The following TMEM156 variants were observed in gnomAD, a reference collection of about 807,000 sequenced individuals.
TMEM156 encodes the protein transmembrane protein 156.
Under a neutral mutation model 30.5 loss-of-function variants are expected in TMEM156, and 28 were observed. The ratio of observed to expected loss-of-function variants is 0.92; its 90% CI spans 0.68 to 1.26. The LOEUF is 1.26. Ranked by LOEUF, TMEM156 falls within the 50% of genes most tolerant of loss-of-function variation. The probability of loss-of-function intolerance (pLI) is 0.00; values close to 1 mark genes in which losing one functional copy is unlikely to be tolerated. For missense variants in TMEM156, 351 were observed against 340.6 expected (o/e 1.03, Z -0.24); for synonymous variants, 137 against 119.9 (o/e 1.14, Z -0.93).
intron 4 of TMEM156, 86 bp from the exon 5 acceptor site, chr4:38,986,505 C>A: frequency 9.7e-7 from 1 of 1,031,848 alleles, no homozygotes; most frequent in Non-Finnish European, 1.5e-6. Context: ...AAAGGATTAC[C>A]AAAAAGAATG....
chr4:39,019,373 T>A (rs1018570641), intron 1 of TMEM156, among the ~76,000 whole-genome samples: 3 of 152,202 alleles, frequency 2.0e-5, no homozygotes, highest in Non-Finnish European at 4.4e-5. Flanking sequence ...ATTTATTATA[T>A]TTTTCACAAT....
intron 1 of TMEM156, among the ~76,000 whole-genome samples, chr4:39,020,553 ATTTTTTTTAT>A (rs977625527): frequency 6.6e-6 from 1 of 151,362 alleles, no homozygotes; most frequent in African/African-American, 2.4e-5. Context: ...CTTATTTTGA[ATTTTTTTTAT>A]TTTTTTTGAG....
At chr4:39,021,465 A>C (rs1714863048) in intron 1 of TMEM156, among the ~76,000 whole-genome samples, 1 of 151,736 alleles carries the variant, frequency 6.6e-6, no homozygotes, top group African/African-American at 2.4e-5. Context: ...AAAAGAAATA[A>C]CTCTTCACTA....
At chr4:39,016,105 G>A (rs1714463097) in intron 1 of TMEM156, among the ~76,000 whole-genome samples, 1 of 152,140 alleles carries the variant, frequency 6.6e-6, no homozygotes, top group African/African-American at 2.4e-5. Context: ...GCTGGGTGTG[G>A]TGGCTCACGC....
chr4:39,006,867 C>T (rs541733052), intron 1 of TMEM156, among the ~76,000 whole-genome samples: 1 of 152,172 alleles, frequency 6.6e-6, no homozygotes, highest in Non-Finnish European at 1.5e-5. Flanking sequence ...TGCTTGAGCC[C>T]AGGAGGTTGA....
intron 5 of TMEM156, among the ~76,000 whole-genome samples, chr4:38,981,717 AATGAAATGATGTGC>A (rs1711566073): frequency 6.6e-6 from 1 of 152,192 alleles, no homozygotes; most frequent in Non-Finnish European, 1.5e-5. Context: ...TTTGAAATCA[AATGAAATGATGTGC>A]ATGAAAGTAC....
At position 39,030,329 on chromosome 4, in the gene TMEM156, A is replaced by G. The variant is rs1191853661; in HGVS notation, c.88+1897T>C. On this transcript the variant is annotated intron_variant, in intron 1 of 6. Transcript: ENST00000381938. Reference sequence around the variant, plus strand: ...TGATATAACCAGTTTTGAAAGCAAGAGAACAAACATCATTATAAATGATGG... The same window carrying G: ...TGATATAACCAGTTTTGAAAGCAAGGGAACAAACATCATTATAAATGATGG... Among the ~76,000 whole-genome samples, 15 of 152,202 alleles carry G rather than the reference A, an allele frequency of 9.9e-5. 1 individual carries two copies. Among genetic ancestry groups the G allele is most frequent in the Admixed American group, 9.2e-4 (14 of 15,280 alleles).
At chr4:39,028,594 G>A (rs757967068) in intron 1 of TMEM156, 1 of 152,124 alleles carries the variant, frequency 6.6e-6, no homozygotes, top group Non-Finnish European at 1.5e-5. Flanking sequence ...GTAGCCCCAG[G>A]TTTCTAGCAC....
chr4:38,986,286 A>C, intron 5 of TMEM156, 50 bp downstream of exon 5: 1 of 1,294,744 alleles, frequency 7.7e-7, no homozygotes, highest in Non-Finnish European at 1.1e-6. Context: ...GAAACCATGC[A>C]GCTTTGGAAT....
intron 1 of TMEM156, among the ~76,000 whole-genome samples, chr4:39,010,975 C>G (rs1463820705): frequency 6.6e-6 from 1 of 152,028 alleles, no homozygotes; most frequent in Non-Finnish European, 1.5e-5. Context: ...AGTAAAGAGA[C>G]AACCTACAAA....
In TMEM156 at chr4:38,996,445, G is replaced by A. The variant is rs192126666; in HGVS notation, c.358+2195C>T. 1.4e-3 allele frequency among the ~76,000 whole-genome samples: 209 copies of A among 151,758 alleles called. 1 individual carries two copies. Among genetic ancestry groups the A allele is most frequent in the Admixed American group, 0.011 (172 of 15,222 alleles). On this transcript the variant is annotated intron_variant, in intron 2 of 6. Transcript: ENST00000381938. ...AAATTAGCTGGGCATGGTAGCAGGCGTCTGTAATCCCAGCTACTCAGGAGG... is the reference window on the plus strand; with the variant it reads ...AAATTAGCTGGGCATGGTAGCAGGCATCTGTAATCCCAGCTACTCAGGAGG...
Position 38,995,873 on chromosome 4 carries a change from A to T in TMEM156, c.359-1875T>A, listed in dbSNP as rs146390028. On this transcript the variant is annotated intron_variant, in intron 2 of 6. Coordinates refer to ENST00000381938, the MANE Select transcript of TMEM156 (RefSeq NM_024943.3). ...TTGCTTTTCAGAACACTCATACTGG[A>T]GCCTTGAACCACTACGTAAAAGTCC... Among the ~76,000 whole-genome samples, 318 of 152,322 alleles carry T rather than the reference A, an allele frequency of 2.1e-3. 2 individuals are homozygous for T. Among genetic ancestry groups the T allele is most frequent in the Non-Finnish European group, 3.2e-3 (220 of 68,032 alleles).
chr4:38,996,406 C>CA (rs57823248), intron 2 of TMEM156, among the ~76,000 whole-genome samples: 1,517 of 117,030 alleles, frequency 0.013, 12 homozygotes, highest in African/African-American at 0.026. Flanking sequence ...ACTAAAAATA[C>CA]AAAAAAAAAA....
rs79976560 is a variant in TMEM156, at chr4:38,989,030, T to C, written c.620-60A>G. 4.1e-4 allele frequency: 642 copies of C among 1,547,076 alleles called. 6 individuals carry two copies. In the East Asian group the frequency reaches 0.014, roughly 34 times the overall value. ...AAATTATTCAACAGATAAAAGGCAA[T>C]GTGGCAGTGTAGCTGAGTTCTACAA... On this transcript the variant is annotated intron_variant, in intron 3 of 6. Transcript: ENST00000381938.
chr4:38,973,488 C>T (rs1464036313), intron 5 of TMEM156, among the ~76,000 whole-genome samples: 2 of 151,902 alleles, frequency 1.3e-5, no homozygotes, highest in Admixed American at 1.3e-4. Flanking sequence ...ACAGTGTATC[C>T]TCTAACTGGT....
intron 1 of TMEM156, among the ~76,000 whole-genome samples, chr4:39,025,345 C>CAAA (rs59380844): frequency 1.4e-3 from 89 of 65,406 alleles, no homozygotes; most frequent in East Asian, 2.1e-3. Context: ...AAGACTGTCT[C>CAAA]AAAAAAAAAA....
chr4:39,022,774 C>T (rs962351218), intron 1 of TMEM156, among the ~76,000 whole-genome samples: 2 of 152,120 alleles, frequency 1.3e-5, no homozygotes, highest in African/African-American at 4.8e-5. Flanking sequence ...TAGGTCAACT[C>T]ACATTTTCCC....
At chr4:39,005,371 T>C (rs1713660066) in intron 1 of TMEM156, among the ~76,000 whole-genome samples, 1 of 152,172 alleles carries the variant, frequency 6.6e-6, no homozygotes, top group Admixed American at 6.5e-5. Flanking sequence ...CAAGATCTGA[T>C]GGTTTTATAA....
At chr4:38,977,909 G>A (rs1001249093) in intron 5 of TMEM156, among the ~76,000 whole-genome samples, 2 of 152,082 alleles carry the variant, frequency 1.3e-5, no homozygotes, top group African/African-American at 4.8e-5. Flanking sequence ...GGCAGCCCTC[G>A]GATGCTTCTT....
Sources: allele counts gnomAD v4.1 joint callset (sites outside exome capture counted in the v4.1 genomes callset), GRCh38; gene constraint gnomAD v4.1.1; transcripts MANE v1.5; gene names NCBI Gene and HGNC (gene_info 2026-07-23, HGNC 2026-07-21).